Variants in NOX4 observed in about 807,000 individuals in gnomAD.
NOX4 encodes NADPH oxidase 4, also known as kidney oxidase-1.
A neutral mutation model predicts 87.6 loss-of-function variants in NOX4; 69 were observed. The observed-to-expected ratio is 0.79, with a 90% CI of 0.65 to 0.96. NOX4 has a LOEUF of 0.96. NOX4 is among the 40% of genes least tolerant of loss of function. The pLI is 0.00. For missense variants in NOX4, 680 were observed against 681.5 expected (o/e 1.00, Z 0.02); for synonymous variants, 275 against 238.2 (o/e 1.15, Z -1.42).
chr11:89,516,820 G>C, the NOX4 span, among the ~76,000 whole-genome samples: 1 of 152,036 alleles, frequency 6.6e-6, no homozygotes, highest in African/African-American at 2.4e-5. Context: ...GAGCCAGTAA[G>C]TCTAGGGGTG....
At position 89,398,803 on chromosome 11, in the gene NOX4, G is replaced by A. The variant is rs189360152; in HGVS notation, c.1074+1214C>T. Among the ~76,000 whole-genome samples, 16 of 151,902 alleles carry A rather than the reference G, an allele frequency of 1.1e-4. No homozygotes were observed. In the East Asian group the frequency reaches 3.1e-3, roughly 30 times the overall value. On this transcript the variant is annotated intron_variant, in intron 11 of 17. Coordinates refer to ENST00000263317, the MANE Select transcript of NOX4 (RefSeq NM_016931.5). ...TAAAGTCCAAATATCCAACTTCAATGAGAATATTAAATAAATTACAGTACT... is the reference window on the plus strand; with the variant it reads ...TAAAGTCCAAATATCCAACTTCAATAAGAATATTAAATAAATTACAGTACT...
At chr11:89,424,329 T>G (rs1943254639) in intron 7 of NOX4, among the ~76,000 whole-genome samples, 1 of 151,368 alleles carries the variant, frequency 6.6e-6, no homozygotes, top group Non-Finnish European at 1.5e-5. Context: ...TAACACCAAA[T>G]TTTTCCGTAA....
In NOX4 at chr11:89,490,461, C is replaced by A; in HGVS notation, c.150G>T (p.Leu50Phe). The change falls in exon 2 of 18, where the codon TTG becomes TTT. Residue 50 changes from leucine (L) to phenylalanine (F), a missense_variant. Leu to Phe is a conservative substitution (Grantham distance 22). Coordinates refer to ENST00000263317, the MANE Select transcript of NOX4 (RefSeq NM_016931.5). ...TATCCAAGTTCACCTTACTTACCCC[C>A]AACATCTGGTGGAGGTAGTGATACT... ...GPEYHYLHQM[L>F]GLGLCLSRAS... 1 of 1,607,748 alleles carries A rather than the reference C, an allele frequency of 6.2e-7. No individual in the cohort carries two copies. The highest frequency in any genetic ancestry group is 8.5e-7 in the Non-Finnish European group (1 of 1,174,218).
At chr11:89,457,816 A>G (rs561937360) in intron 2 of NOX4, among the ~76,000 whole-genome samples, 1 of 152,332 alleles carries the variant, frequency 6.6e-6, no homozygotes, top group South Asian at 2.1e-4. Context: ...AATATCCACA[A>G]CAATAATAAA....
intron 11 of NOX4, among the ~76,000 whole-genome samples, chr11:89,380,392 G>A (rs1445645667): frequency 2.0e-5 from 3 of 152,090 alleles, no homozygotes; most frequent in African/African-American, 7.2e-5. Flanking sequence ...GGTCACTGCT[G>A]AACCTGGACA....
At chr11:89,395,361 T>C (rs1355579816) in intron 11 of NOX4, among the ~76,000 whole-genome samples, 2 of 152,218 alleles carry the variant, frequency 1.3e-5, no homozygotes, top group African/African-American at 4.8e-5. Context: ...TTTGCTTTTT[T>C]CTTGTAAATG....
At chr11:89,587,782 T>C in the NOX4 span, among the ~76,000 whole-genome samples, 1 of 152,162 alleles carries the variant, frequency 6.6e-6, no homozygotes, top group Admixed American at 6.5e-5. Flanking sequence ...TCTACCAATA[T>C]AAATAATTTT....
At chr11:89,332,758 C>T (rs1346741253) in intron 17 of NOX4, among the ~76,000 whole-genome samples, 2 of 151,870 alleles carry the variant, frequency 1.3e-5, no homozygotes, top group Non-Finnish European at 2.9e-5. Context: ...GTGTTCATAT[C>T]TGCATTCTGG....
At position 89,330,684 on chromosome 11, in the gene NOX4, T is replaced by TA. The variant is rs950991972; in HGVS notation, c.1617-3809dup. Among the ~76,000 whole-genome samples, 19 of 139,806 alleles carry TA rather than the reference T, an allele frequency of 1.4e-4. No individual in the cohort carries two copies. In the South Asian group the frequency reaches 1.6e-3, roughly 12 times the overall value. 91.7% of individuals were successfully genotyped at this position (139,806 alleles called of 152,430 possible). A position where few individuals can be genotyped will look rare whatever the true frequency, so the allele number is the denominator to read the frequency against. ...AACATTAGAGAAAAAAGTGGAATTATAAAAAAAAATTCAACCCAAATCAAG... is the reference window on the plus strand; with the variant it reads ...AACATTAGAGAAAAAAGTGGAATTATAAAAAAAAAATTCAACCCAAATCAAG... On this transcript the variant is annotated intron_variant, in intron 17 of 17. Coordinates refer to ENST00000263317, the MANE Select transcript of NOX4 (RefSeq NM_016931.5).
chr11:89,441,872 AAAG>A (rs1944469417), intron 5 of NOX4, among the ~76,000 whole-genome samples: 2 of 151,254 alleles, frequency 1.3e-5, no homozygotes, highest in South Asian at 4.2e-4. Context: ...TAAAAGCATA[AAAG>A]AAGAACAATA....
the NOX4 span, among the ~76,000 whole-genome samples, chr11:89,575,727 C>CTTT: frequency 1.3e-5 from 2 of 152,028 alleles, no homozygotes; most frequent in East Asian, 3.9e-4. Flanking sequence ...TTCTTTCCTT[C>CTTT]TTTTTCCTTC....
chr11:89,366,987 T>C (rs1939051396), intron 12 of NOX4, among the ~76,000 whole-genome samples: 1 of 152,118 alleles, frequency 6.6e-6, no homozygotes, highest in South Asian at 2.1e-4. Flanking sequence ...AGTACACATA[T>C]AATGTGCCTC....
At chr11:89,382,030 A>C (rs1940325932) in intron 11 of NOX4, among the ~76,000 whole-genome samples, 1 of 152,094 alleles carries the variant, frequency 6.6e-6, no homozygotes, top group Non-Finnish European at 1.5e-5. Flanking sequence ...CTTGGTGTTT[A>C]ATCACTGTGG....
the NOX4 span, among the ~76,000 whole-genome samples, chr11:89,561,865 G>A: frequency 6.6e-6 from 1 of 152,148 alleles, no homozygotes; most frequent in African/African-American, 2.4e-5. Flanking sequence ...GGAGGTGGTG[G>A]GAAATTGAGC....
Position 89,351,768 on chromosome 11 carries a change from A to C in NOX4, c.1217+3194T>G, listed in dbSNP as rs2134962129. On this transcript the variant is annotated intron_variant, in intron 13 of 17. Transcript: ENST00000263317. Reference sequence around the variant, plus strand: ...ATATTTTAAGCCCACCAGAGAAAAAAAAAGAAGATTCTATCCAAAGTGTTA... The same window carrying C: ...ATATTTTAAGCCCACCAGAGAAAAACAAAGAAGATTCTATCCAAAGTGTTA... 2.0e-5 allele frequency among the ~76,000 whole-genome samples: 3 copies of C among 152,300 alleles called. No individual in the cohort carries two copies. The South Asian group carries it at 6.2e-4, about 32-fold the overall frequency.
chr11:89,578,016 C>T, the NOX4 span, among the ~76,000 whole-genome samples: 5 of 151,946 alleles, frequency 3.3e-5, no homozygotes, highest in Admixed American at 6.6e-5. Flanking sequence ...TTTTAGGTAT[C>T]CAATACCGTA....
intron 6 of NOX4, among the ~76,000 whole-genome samples, chr11:89,439,207 C>G (rs1208465669): frequency 1.3e-5 from 2 of 150,340 alleles, no homozygotes; most frequent in African/African-American, 4.9e-5. Context: ...TAATATTAAA[C>G]AAAGCTTTTG....
At chr11:89,388,518 A>G (rs1940879527) in intron 11 of NOX4, among the ~76,000 whole-genome samples, 1 of 152,196 alleles carries the variant, frequency 6.6e-6, no homozygotes, top group African/African-American at 2.4e-5. Flanking sequence ...TGAGACCTCT[A>G]TGGACCTGTA....
At chr11:89,373,526 T>C (rs776960305) in intron 11 of NOX4, 34 bp from the exon 12 acceptor site, 1 of 1,231,884 alleles carries the variant, frequency 8.1e-7, no homozygotes, top group Non-Finnish European at 1.2e-6. Flanking sequence ...TTGTGATTAA[T>C]AATTACATAA....
Sources: gnomAD v4.1 joint callset for allele counts (sites outside exome capture counted in the v4.1 genomes callset) on GRCh38, gnomAD v4.1.1 for gene constraint, MANE v1.5 for transcripts, NCBI Gene and HGNC (gene_info 2026-07-23, HGNC 2026-07-21) for gene names.